UFSP2: variants seen among roughly 807,000 people sequenced by gnomAD.
UFSP2 encodes the protein ufm1-specific protease 2.
A neutral mutation model predicts 60.2 loss-of-function variants in UFSP2; 43 were observed. The observed-to-expected ratio is 0.71, with a 90% CI of 0.56 to 0.92. The LOEUF (loss-of-function observed/expected upper bound fraction) is 0.92, where lower values mean the gene tolerates loss of function less well. UFSP2 is among the 40% of genes least tolerant of loss of function. UFSP2 has a pLI of 0.00. For synonymous variants in UFSP2, 183 were observed against 195.1 expected (o/e 0.94, Z 0.52); for missense variants, 520 against 575.0 (o/e 0.90, Z 0.98).
intron 1 of UFSP2, among the ~76,000 whole-genome samples, chr4:185,424,515 C>A (rs2095555494): frequency 6.6e-6 from 1 of 152,180 alleles, no homozygotes; most frequent in Non-Finnish European, 1.5e-5. Context: ...TGTCCCAATT[C>A]TACTTCTGAG....
chr4:185,405,689 T>G, intron 10 of UFSP2, 91 bp downstream of exon 10: 1 of 1,421,704 alleles, frequency 7.0e-7, no homozygotes, highest in Non-Finnish European at 9.6e-7. Context: ...ATTTTTTAAA[T>G]GACTGATTTT....
chr4:185,417,997 T>G (rs1471949226), intron 4 of UFSP2, among the ~76,000 whole-genome samples: 1 of 146,460 alleles, frequency 6.8e-6, no homozygotes, highest in East Asian at 2.0e-4. Context: ...TGAGCCGAGA[T>G]CGTGCCACTG....
chr4:185,411,119 GT>G (rs199933106), intron 7 of UFSP2, among the ~76,000 whole-genome samples: 1,522 of 147,534 alleles, frequency 0.01, 19 homozygotes, highest in South Asian at 0.054. Flanking sequence ...AAAGCCAAAA[GT>G]TTTTTTTTTT....
Position 185,413,871 on chromosome 4 carries a change from T to C in UFSP2, c.686A>G (p.Glu229Gly). The change falls in exon 7 of 12, where the codon GAG becomes GGG. Residue 229 changes from glutamate (E) to glycine (G), a missense_variant and splice_region_variant. Physicochemically the swap from Glu to Gly is moderately conservative, Grantham distance 98 (BLOSUM62 -2). Coordinates refer to ENST00000264689, the MANE Select transcript of UFSP2 (RefSeq NM_018359.5). Reference sequence around the variant, plus strand: ...AGGCAGATTGAAAAGATCATGTAACTCCTAAAATAAATCAGAATCAACAGA... The same window carrying C: ...AGGCAGATTGAAAAGATCATGTAACCCCTAAAATAAATCAGAATCAACAGA... ...PDGQLQAYRK[E>G]LHDLFNLPHD... 1.3e-6 allele frequency: 2 copies of C among 1,591,212 alleles called. No individual in the cohort carries two copies. The highest frequency in any genetic ancestry group is 1.2e-5 in the South Asian group (1 of 85,854).
intron 1 of UFSP2, among the ~76,000 whole-genome samples, chr4:185,423,145 C>T (rs1026046094): frequency 2.6e-5 from 4 of 152,178 alleles, no homozygotes; most frequent in Admixed American, 6.5e-5. Flanking sequence ...AGGCGTGAGC[C>T]ACCGCGCCCA....
intron 11 of UFSP2, 39 bp from the exon 12 acceptor site, chr4:185,400,517 G>A: frequency 6.7e-7 from 1 of 1,488,204 alleles, no homozygotes; most frequent in Non-Finnish European, 9.3e-7. Context: ...CTTTTACAAA[G>A]TTACAAGATT....
At chr4:185,418,921 A>G in intron 2 of UFSP2, 151 bp from the exon 3 acceptor site, 1 of 625,910 alleles carries the variant, frequency 1.6e-6, no homozygotes, top group East Asian at 2.9e-5. Context: ...CTATCTTTTT[A>G]AAAAAGTCTG....
intron 9 of UFSP2, 140 bp from the exon 10 acceptor site, chr4:185,405,996 A>G: frequency 6.6e-7 from 1 of 1,510,936 alleles, no homozygotes; most frequent in Non-Finnish European, 8.9e-7. Context: ...ATTAAGTGTT[A>G]GGGAACTGAG....
At chr4:185,421,644 T>G (rs1457778206) in intron 2 of UFSP2, among the ~76,000 whole-genome samples, 1 of 152,212 alleles carries the variant, frequency 6.6e-6, no homozygotes, top group Non-Finnish European at 1.5e-5. Flanking sequence ...TTGTACAGTC[T>G]GCAGAACTGT....
rs113417473 is a variant in UFSP2 at position 185,413,067 on chromosome 4, A to G, written c.831+659T>C. On this transcript the variant is annotated intron_variant, in intron 7 of 11. Transcript: ENST00000264689. ...ATGCCTGTAATCCCAGCACTTTGGGAGGCCTACATGGCGGATCACTTGAGG... is the reference window on the plus strand; with the variant it reads ...ATGCCTGTAATCCCAGCACTTTGGGGGGCCTACATGGCGGATCACTTGAGG... Among the ~76,000 whole-genome samples the G allele has an allele frequency of 3.9e-5, 6 of 152,290 alleles. 1 individual carries two copies. The highest frequency in any genetic ancestry group is 1.4e-4 in the African/African-American group (6 of 41,562).
intron 9 of UFSP2, 100 bp from the exon 10 acceptor site, chr4:185,405,956 G>A: frequency 6.3e-7 from 1 of 1,584,044 alleles, no homozygotes; most frequent in East Asian, 2.3e-5. Flanking sequence ...TTTTTCGGGT[G>A]TTACTGAAAA....
In UFSP2 at chr4:185,418,670, A is replaced by G. The variant is rs151018748; in HGVS notation, c.183T>C (p.Tyr61=). 101 of 1,614,066 alleles carry G rather than the reference A, an allele frequency of 6.3e-5. No individual in the cohort carries two copies. The highest frequency in any genetic ancestry group is 3.3e-4 in the Middle Eastern group (2 of 6,060). ...TGTTTATGTCACTGCTAGGCCATAT[A>G]TACACTGAACTGTGGCAAATTCTGA... ...LVFRICHSSV[Y]IWPSSDINTI... Residue 61 remains tyrosine (Y), a synonymous_variant, in exon 3 of 12, where the codon TAT becomes TAC. Coordinates refer to ENST00000264689, the MANE Select transcript of UFSP2 (RefSeq NM_018359.5).
At chr4:185,400,706 A>G in intron 11 of UFSP2, 1 of 392,536 alleles carries the variant, frequency 2.5e-6, no homozygotes, top group Non-Finnish European at 4.5e-6. Flanking sequence ...AAAATCATTA[A>G]AAAAAATTTA....
At chr4:185,425,002 C>G (rs1192537623) in intron 1 of UFSP2, among the ~76,000 whole-genome samples, 1 of 152,156 alleles carries the variant, frequency 6.6e-6, no homozygotes, top group Non-Finnish European at 1.5e-5. Context: ...GCAGGGCCAT[C>G]GATGAGTGAA....
At chr4:185,413,901 G>GA in intron 6 of UFSP2, 29 bp from the exon 7 acceptor site, 2 of 1,551,286 alleles carry the variant, frequency 1.3e-6, no homozygotes, top group Non-Finnish European at 1.7e-6. Context: ...AACAGAAAAA[G>GA]AAAAAATGTT....
intron 6 of UFSP2, among the ~76,000 whole-genome samples, 164 bp downstream of exon 6, chr4:185,414,990 GT>G (rs1353438335): frequency 4.6e-5 from 7 of 152,040 alleles, no homozygotes; most frequent in Admixed American, 1.3e-4. Flanking sequence ...ACTACTTAAA[GT>G]TTCATGAGAA....
At chr4:185,401,436 G>A (rs2095513133) in intron 11 of UFSP2, among the ~76,000 whole-genome samples, 1 of 152,182 alleles carries the variant, frequency 6.6e-6, no homozygotes, top group South Asian at 2.1e-4. Context: ...TTTTACACAT[G>A]AAGGCCTTGT....
At chr4:185,415,003 A>G (rs1217797095) in intron 6 of UFSP2, 152 bp downstream of exon 6, 2 of 637,578 alleles carry the variant, frequency 3.1e-6, no homozygotes, top group African/African-American at 3.9e-5. Flanking sequence ...TCATGAGAAC[A>G]GAAATTAAAT....
Position 185,418,657 on chromosome 4 carries a change from T to G in UFSP2, c.196A>C (p.Ser66Arg), listed in dbSNP as rs773298065. 2 of 1,613,944 alleles carry G rather than the reference T, an allele frequency of 1.2e-6. No homozygotes were observed. Among genetic ancestry groups the G allele is most frequent in the Non-Finnish European group, 1.7e-6 (2 of 1,180,010 alleles). The change falls in exon 3 of 12, where the codon AGT becomes CGT. Residue 66 changes from serine to arginine, a missense_variant. Coordinates refer to ENST00000264689, the MANE Select transcript of UFSP2 (RefSeq NM_018359.5). The stretch of plus-strand genomic sequence containing the variant: ...TCTCCAGGAATGGTGTTTATGTCAC[T>G]GCTAGGCCATATATACACTGAACTG... ...CHSSVYIWPSSDINTIPGELT... is the reference protein window; with the variant it reads ...CHSSVYIWPSRDINTIPGELT...
Sources: allele counts gnomAD v4.1 joint callset (sites outside exome capture counted in the v4.1 genomes callset), GRCh38; gene constraint gnomAD v4.1.1; transcripts MANE v1.5; gene names NCBI Gene and HGNC (gene_info 2026-07-23, HGNC 2026-07-21).